The following ADAD1 variants were observed in gnomAD, a reference collection of about 807,000 sequenced individuals.
ADAD1 encodes the protein adenosine deaminase domain containing 1.
A neutral mutation model predicts 66.8 loss-of-function variants in ADAD1; 46 were observed. That is an observed-to-expected ratio of 0.69 (90% CI 0.54 to 0.88). The LOEUF is 0.88. Ranked by LOEUF, ADAD1 falls within the 40% of genes least tolerant of loss-of-function variation. ADAD1 has a pLI of 0.00. For synonymous variants in ADAD1, 248 were observed against 229.4 expected, an observed-to-expected ratio of 1.08 and a Z score of -0.73; for missense variants, 617 against 681.8, an observed-to-expected ratio of 0.91 and a Z score of 1.06.
Position 122,412,822 on chromosome 4 carries a change from T to G in ADAD1, c.1249+13T>G. On this transcript the variant is annotated intron_variant, in intron 10 of 12. Coordinates refer to ENST00000296513, the MANE Select transcript of ADAD1 (RefSeq NM_139243.4). ...AGTATACTTATTGGTGAGTGGGATT[T>G]CAGAACCTCCTGGGCCTCTCACTCA... is the stretch of plus-strand genomic sequence containing the variant. The G allele has an allele frequency of 4.4e-6, 7 of 1,605,830 alleles. No homozygotes were observed. The highest frequency in any genetic ancestry group is 6.0e-6 in the Non-Finnish European group (7 of 1,173,152).
At chr4:122,405,788 G>A (rs1796181954) in intron 7 of ADAD1, among the ~76,000 whole-genome samples, 1 of 152,060 alleles carries the variant, frequency 6.6e-6, no homozygotes, top group Non-Finnish European at 1.5e-5. Context: ...GTTTTTACGA[G>A]TTCAACCTTT....
At position 122,421,361 on chromosome 4, in the gene ADAD1, C is replaced by T; in HGVS notation, c.1588C>T (p.Leu530Phe). Residue 530 changes from leucine to phenylalanine, a missense_variant, in exon 12 of 13, where the codon CTT (leucine) becomes TTT (phenylalanine). Coordinates refer to ENST00000296513, the MANE Select transcript of ADAD1 (RefSeq NM_139243.4). Reference protein sequence around the residue: ...LLAKEAKKELLEAGTYHAAKC... With the variant: ...LLAKEAKKELFEAGTYHAAKC... ...TGCCAAAGAAGCTAAAAAAGAATTACTTGAAGCTGGTACATATCATGCAGC... is the reference window on the plus strand; with the variant it reads ...TGCCAAAGAAGCTAAAAAAGAATTATTTGAAGCTGGTACATATCATGCAGC... The T allele has an allele frequency of 6.2e-7, 1 of 1,601,862 alleles. No individual in the cohort carries two copies. The highest frequency in any genetic ancestry group is 1.3e-5 in the African/African-American group (1 of 74,890).
chr4:122,412,199 T>C (rs1560598183), intron 9 of ADAD1, among the ~76,000 whole-genome samples: 1 of 152,180 alleles, frequency 6.6e-6, no homozygotes, highest in Admixed American at 6.5e-5. Flanking sequence ...TTATTGAAGA[T>C]GACAAAGAAA....
At chr4:122,391,200 C>G (rs775662505) in intron 5 of ADAD1, among the ~76,000 whole-genome samples, 24 of 152,130 alleles carry the variant, frequency 1.6e-4, no homozygotes, top group Non-Finnish European at 2.8e-4. Flanking sequence ...AGATGTCACT[C>G]AGGGAGGCTG....
At chr4:122,402,941 G>C (rs1796045033) in intron 7 of ADAD1, among the ~76,000 whole-genome samples, 1 of 152,038 alleles carries the variant, frequency 6.6e-6, no homozygotes, top group Non-Finnish European at 1.5e-5. Context: ...ACCTTTCTCT[G>C]GTACCTCCTT....
intron 5 of ADAD1, among the ~76,000 whole-genome samples, chr4:122,390,455 T>C (rs1795378540): frequency 6.6e-6 from 1 of 152,194 alleles, no homozygotes; most frequent in Non-Finnish European, 1.5e-5. Context: ...AAGTGTGTTT[T>C]CCAGCTTGTT....
At position 122,393,652 on chromosome 4, in the gene ADAD1, A is replaced by T. The variant is rs777294307; in HGVS notation, c.593A>T (p.His198Leu). 3 of 1,594,894 alleles carry T rather than the reference A, an allele frequency of 1.9e-6. No homozygotes were observed. The South Asian group carries it at 3.5e-5, about 18-fold the overall frequency. Residue 198 changes from histidine to leucine, a missense_variant, in exon 6 of 13, where the codon CAT becomes CTT. Physicochemically the swap from His to Leu is moderately conservative, Grantham distance 99. Coordinates refer to ENST00000296513, the MANE Select transcript of ADAD1 (RefSeq NM_139243.4). ...GAACTAGCATATGTTTCAAAAGTAC[A>T]TTATGGTAGGAAAGTTTTTTGTGAC... The part of the protein sequence containing the change: ...LSELAYVSKV[H>L]YEGRHIQYAK...
chr4:122,386,724 G>A (rs1450451457), intron 5 of ADAD1, among the ~76,000 whole-genome samples: 5 of 152,182 alleles, frequency 3.3e-5, no homozygotes, highest in Non-Finnish European at 7.3e-5. Context: ...AAGGTGTAAG[G>A]AAGGGGTACA....
At chr4:122,425,310 T>G (rs966582175) in intron 12 of ADAD1, among the ~76,000 whole-genome samples, 1 of 152,040 alleles carries the variant, frequency 6.6e-6, no homozygotes, top group Non-Finnish European at 1.5e-5. Context: ...TCAGTAATCT[T>G]AAAAGGATTA....
intron 5 of ADAD1, among the ~76,000 whole-genome samples, chr4:122,388,501 CT>C (rs949100395): frequency 6.6e-5 from 10 of 151,872 alleles, no homozygotes; most frequent in Admixed American, 5.2e-4. Context: ...TGGTCCTGGA[CT>C]TTTTTTTGGT....
Position 122,379,573 on chromosome 4 carries a change from T to C in ADAD1, c.-9+128T>C, listed in dbSNP as rs571341623. The C allele has an allele frequency of 1.4e-3, 224 of 154,746 alleles. 4 individuals carry two copies. The highest frequency in any genetic ancestry group is 0.014 in the Admixed American group (219 of 15,704). 9.6% of individuals were successfully genotyped at this position (154,746 alleles called of 1,614,324 possible). A position where few individuals can be genotyped will look rare whatever the true frequency, so the allele number is the denominator to read the frequency against. ...GCGCAGAGCGGCCTGAAGCGAGAGGTTGAGGCTGGGAGGTGGGAGCAACGG... is the reference window on the plus strand; with the variant it reads ...GCGCAGAGCGGCCTGAAGCGAGAGGCTGAGGCTGGGAGGTGGGAGCAACGG... On this transcript the variant is annotated intron_variant, in intron 2 of 12. Coordinates refer to ENST00000296513, the MANE Select transcript of ADAD1 (RefSeq NM_139243.4).
In ADAD1 at chr4:122,380,258, T is replaced by C; in HGVS notation, c.172+17T>C. 1 of 1,596,720 alleles carries C rather than the reference T, an allele frequency of 6.3e-7. No individual in the cohort carries two copies. Among genetic ancestry groups the C allele is most frequent in the Non-Finnish European group, 8.5e-7 (1 of 1,173,464 alleles). Reference sequence around the variant, plus strand: ...AAGTAACGGGTACGACTTTTTTCATTTGTAACAATGAGTCAGTTCTTTAAG... The same window carrying C: ...AAGTAACGGGTACGACTTTTTTCATCTGTAACAATGAGTCAGTTCTTTAAG... On this transcript the variant is annotated intron_variant, in intron 3 of 12. Coordinates refer to ENST00000296513, the MANE Select transcript of ADAD1 (RefSeq NM_139243.4).
intron 11 of ADAD1, among the ~76,000 whole-genome samples, chr4:122,418,455 T>TGA (rs565697970): frequency 8.4e-4 from 128 of 152,126 alleles, no homozygotes; most frequent in Middle Eastern, 3.4e-3. Flanking sequence ...CCCGAGTAGC[T>TGA]GAGACTACAG....
intron 12 of ADAD1, among the ~76,000 whole-genome samples, chr4:122,424,181 T>C (rs1797131606): frequency 6.6e-6 from 1 of 151,980 alleles, no homozygotes; most frequent in Non-Finnish European, 1.5e-5. Context: ...GTTAAGAAAA[T>C]GTGTTGTTAG....
Position 122,421,339 on chromosome 4 carries a change from C to A in ADAD1, c.1566C>A (p.Ala522=). 1 of 1,602,898 alleles carries A rather than the reference C, an allele frequency of 6.2e-7. No individual in the cohort carries two copies. The highest frequency in any genetic ancestry group is 1.1e-5 in the South Asian group (1 of 89,566). Reference sequence around the variant, plus strand: ...TGTTAAGTCGGTTTAACCTGCTTGCCAAAGAAGCTAAAAAAGAATTACTTG... The same window carrying A: ...TGTTAAGTCGGTTTAACCTGCTTGCAAAAGAAGCTAAAAAAGAATTACTTG... The part of the protein sequence containing the change: ...AAMLSRFNLL[A]KEAKKELLEA... Residue 522 remains alanine, a synonymous_variant, in exon 12 of 13, where the codon GCC becomes GCA. Coordinates refer to ENST00000296513, the MANE Select transcript of ADAD1 (RefSeq NM_139243.4).
At chr4:122,421,891 G>A (rs1337384811) in intron 12 of ADAD1, among the ~76,000 whole-genome samples, 1 of 151,724 alleles carries the variant, frequency 6.6e-6, no homozygotes, top group Non-Finnish European at 1.5e-5. Context: ...CATAATGTAA[G>A]TTTAAGTCAA....
chr4:122,381,033 A>G lies in ADAD1; in HGVS notation c.214A>G (p.Ile72Val). Residue 72 changes from isoleucine to valine, a missense_variant, in exon 4 of 13, where the codon ATT becomes GTT. Transcript: ENST00000296513. ...EPLLSKNLSS[I>V]SNPVLPPKKI... The stretch of plus-strand genomic sequence containing the variant: ...GTTGCTTTCCAAGAATCTTTCATCT[A>G]TTTCAAATCCTGTCCTTCCTCCAAA... The G allele has an allele frequency of 6.3e-7, 1 of 1,599,606 alleles. No homozygotes were observed. The highest frequency in any genetic ancestry group is 8.5e-7 in the Non-Finnish European group (1 of 1,177,030).
chr4:122,380,961 C>T, intron 3 of ADAD1, 31 bp from the exon 4 acceptor site: 1 of 1,549,922 alleles, frequency 6.5e-7, no homozygotes, highest in African/African-American at 1.4e-5. Context: ...TTGTTTTAAA[C>T]CAAATTGACA....
chr4:122,414,824 T>G (rs1013952576), intron 10 of ADAD1, among the ~76,000 whole-genome samples: 1 of 152,162 alleles, frequency 6.6e-6, no homozygotes, highest in Admixed American at 6.5e-5. Flanking sequence ...AGATCTCTCC[T>G]TCAATAATTA....
Sources: allele counts gnomAD v4.1 joint callset (sites outside exome capture counted in the v4.1 genomes callset), GRCh38; gene constraint gnomAD v4.1.1; transcripts MANE v1.5; gene names NCBI Gene and HGNC (gene_info 2026-07-23, HGNC 2026-07-21).